Variants in ARK2C observed in about 807,000 individuals in gnomAD.
ARK2C encodes E3 ubiquitin-protein ligase ARK2C.
the ARK2C span, among the ~76,000 whole-genome samples, chr18:46,452,393 C>T: frequency 0.66 from 100,095 of 152,006 alleles, 33,685 homozygotes; most frequent in Non-Finnish European, 0.72. Flanking sequence ...AATTCTCCCA[C>T]GTCAGCCTCC....
chr18:46,334,194 C>CCGGCCG, the ARK2C span: 1 of 926,528 alleles, frequency 1.1e-6, no homozygotes, highest in Non-Finnish European at 1.3e-6. The surrounding 1 kb of genome is among the most constrained non-coding windows in gnomAD (Gnocchi z 4.4). Flanking sequence ...AGCCCCGCCG[C>CCGGCCG]CGCCCGCGCC....
At chr18:46,358,617 G>A in the ARK2C span, among the ~76,000 whole-genome samples, 1 of 152,080 alleles carries the variant, frequency 6.6e-6, no homozygotes, top group African/African-American at 2.4e-5. Context: ...AGAAAGGAGG[G>A]GTGACTGTCA....
chr18:46,450,806 C>G, the ARK2C span: 1 of 1,606,746 alleles, frequency 6.2e-7, no homozygotes, highest in Admixed American at 1.7e-5. Flanking sequence ...GAAGGTGGGT[C>G]TGCCAGCAGG....
chr18:46,447,608 G>A, the ARK2C span: 3 of 1,613,968 alleles, frequency 1.9e-6, no homozygotes, highest in African/African-American at 2.7e-5. Context: ...AGTTCCAGGT[G>A]CGGCCCATCC....
chr18:46,334,464 C>A, the ARK2C span: 4 of 753,370 alleles, frequency 5.3e-6, no homozygotes, highest in Non-Finnish European at 7.6e-6. The surrounding 1 kb of genome is among the most constrained non-coding windows in gnomAD (Gnocchi z 4.4). Flanking sequence ...GCGGTGGCTT[C>A]CCCCCACCCC....
the ARK2C span, among the ~76,000 whole-genome samples, chr18:46,370,279 C>T: frequency 6.6e-6 from 1 of 152,188 alleles, no homozygotes; most frequent in Non-Finnish European, 1.5e-5. Context: ...ATCGTTATTC[C>T]CATTTTACAG....
At chr18:46,337,402 TG>T in the ARK2C span, 2 of 985,412 alleles carry the variant, frequency 2.0e-6, no homozygotes, top group Non-Finnish European at 2.4e-6. Context: ...AAGCATGATC[TG>T]TATTTTTTTA....
chr18:46,375,581 TAATAATAA>T, the ARK2C span, among the ~76,000 whole-genome samples: 5 of 149,558 alleles, frequency 3.3e-5, no homozygotes, highest in Middle Eastern at 3.6e-3. Flanking sequence ...ATAATAATAA[TAATAATAA>T]TAATAATAAC....
At chr18:46,413,263 G>A in the ARK2C span, among the ~76,000 whole-genome samples, 11 of 152,034 alleles carry the variant, frequency 7.2e-5, no homozygotes, top group South Asian at 2.1e-4. Flanking sequence ...AAGCAGCGTC[G>A]CTCAAGCCCA....
At chr18:46,385,375 C>T in the ARK2C span, among the ~76,000 whole-genome samples, 1,279 of 152,156 alleles carry the variant, frequency 8.4e-3, 15 homozygotes, top group African/African-American at 0.029. Context: ...CTTGCATGTG[C>T]CTGTGCATGT....
chr18:46,401,382 A>G, the ARK2C span, among the ~76,000 whole-genome samples: 1 of 152,098 alleles, frequency 6.6e-6, no homozygotes, highest in African/African-American at 2.4e-5. Flanking sequence ...ATTTTTTCTT[A>G]TGCAATTTTT....
chr18:46,340,084 CTG>C, the ARK2C span, among the ~76,000 whole-genome samples: 1 of 152,234 alleles, frequency 6.6e-6, no homozygotes, highest in African/African-American at 2.4e-5. Flanking sequence ...TACTCCACAA[CTG>C]TCACACAAAT....
chr18:46,378,378 C>T, the ARK2C span, among the ~76,000 whole-genome samples: 1 of 152,186 alleles, frequency 6.6e-6, no homozygotes, highest in Non-Finnish European at 1.5e-5. Flanking sequence ...GGACAGAATC[C>T]AGGCTCCTGG....
the ARK2C span, among the ~76,000 whole-genome samples, chr18:46,360,331 G>C: frequency 6.6e-6 from 1 of 152,156 alleles, no homozygotes; most frequent in African/African-American, 2.4e-5. Flanking sequence ...GAACACAGAG[G>C]GTGCTCCCCT....
chr18:46,359,240 G>C, the ARK2C span, among the ~76,000 whole-genome samples: 133 of 152,348 alleles, frequency 8.7e-4, 3 homozygotes, highest in East Asian at 0.021. Context: ...CAGGTGGGCT[G>C]TTCCCTGCCT....
chr18:46,363,633 G>A, the ARK2C span, among the ~76,000 whole-genome samples: 2 of 152,204 alleles, frequency 1.3e-5, no homozygotes, highest in Admixed American at 1.3e-4. Context: ...GGACATGGAG[G>A]AGAGCAGCTG....
At chr18:46,350,300 G>A in the ARK2C span, among the ~76,000 whole-genome samples, 1 of 152,170 alleles carries the variant, frequency 6.6e-6, no homozygotes, top group Non-Finnish European at 1.5e-5. Context: ...GCAGAGCCTG[G>A]GCCTTTGATA....
chr18:46,435,464 G>C, the ARK2C span: 1 of 1,233,736 alleles, frequency 8.1e-7, no homozygotes. Flanking sequence ...TGCCAGATCT[G>C]TGGAGTTTCT....
the ARK2C span, among the ~76,000 whole-genome samples, chr18:46,438,655 C>G: frequency 1.3e-5 from 2 of 152,194 alleles, no homozygotes; most frequent in African/African-American, 4.8e-5. Flanking sequence ...CAGCCAAGGT[C>G]CATGAATAAG....
Sources: allele counts gnomAD v4.1 joint callset (sites outside exome capture counted in the v4.1 genomes callset), GRCh38; gene constraint gnomAD v4.1.1; non-coding constraint Gnocchi (gnomAD v3.1); transcripts MANE v1.5; gene names NCBI Gene and HGNC (gene_info 2026-07-23, HGNC 2026-07-21).